Variants in TMEM255A observed in about 807,000 individuals in gnomAD.
TMEM255A encodes transmembrane protein 255A, also known as family with sequence similarity 70, member A.
A neutral mutation model predicts 23.5 loss-of-function variants in TMEM255A; 14 were observed. The ratio of observed to expected loss-of-function variants is 0.60; its 90% CI spans 0.39 to 0.93. The LOEUF is 0.93. Among genes scored for constraint, TMEM255A ranks in the 40% least tolerant of loss-of-function variants. TMEM255A has a pLI of 0.00. For synonymous variants in TMEM255A, 104 were observed against 100.3 expected (o/e 1.04, Z -0.22); for missense variants, 233 against 261.7 (o/e 0.89, Z 0.76).
intron 2 of TMEM255A, among the ~76,000 whole-genome samples, chrX:120,296,624 AAT>A (rs782299599): frequency 4.2e-5 from 3 of 71,917 alleles, no homozygotes; most frequent in Admixed American, 2.2e-4. Context: ...CCAGGAATAT[AAT>A]ATATATATAT....
intron 2 of TMEM255A, among the ~76,000 whole-genome samples, chrX:120,297,614 A>G (rs781889409): frequency 2.7e-5 from 3 of 111,253 alleles, no homozygotes; most frequent in Admixed American, 9.7e-5. Flanking sequence ...TGGAATTCAT[A>G]TCATTCCCAT....
chrX:120,264,840 T>C (rs2057704485), intron 8 of TMEM255A, among the ~76,000 whole-genome samples: 1 of 109,125 alleles, frequency 9.2e-6, no homozygotes, highest in Non-Finnish European at 1.9e-5. Flanking sequence ...TTTATTTATC[T>C]GGGAATATAA....
At chrX:120,279,408 G>A (rs1556020378) in intron 6 of TMEM255A, among the ~76,000 whole-genome samples, 3 of 112,335 alleles carry the variant, frequency 2.7e-5, no homozygotes, top group African/African-American at 9.7e-5. Context: ...TAGGCCCTGG[G>A]GACAGGGCAG....
At chrX:120,262,040 A>G (rs1344140623) in intron 8 of TMEM255A, among the ~76,000 whole-genome samples, 2 of 112,148 alleles carry the variant, frequency 1.8e-5, no homozygotes, top group African/African-American at 6.5e-5. Flanking sequence ...CTGTAATCCC[A>G]GCACTGTAGG....
Position 120,260,099 on chromosome X carries a change from A to G in TMEM255A, c.*771T>C. On this transcript the variant is annotated 3_prime_UTR_variant, in exon 9 of 9. Transcript: ENST00000371369. ...GATTTATATCTCCTGTAGCAAATGTATTTTGTAATAATGCAACATGTAGTA... is the reference window on the plus strand; with the variant it reads ...GATTTATATCTCCTGTAGCAAATGTGTTTTGTAATAATGCAACATGTAGTA... The G allele has an allele frequency of 1.4e-6, 1 of 736,880 alleles. No individual in the cohort carries two copies. Among genetic ancestry groups the G allele is most frequent in the Non-Finnish European group, 1.6e-6 (1 of 623,131 alleles). The allele number at this position is 736,880 out of a possible 1,213,427, so 60.7% of individuals were successfully genotyped here.
Position 120,304,509 on chromosome X carries a change from A to G in TMEM255A, c.59-18T>C, listed in dbSNP as rs1235509728. 1 of 1,205,294 alleles carries G rather than the reference A, an allele frequency of 8.3e-7. No homozygotes were observed. The highest frequency in any genetic ancestry group is 3.0e-5 in the East Asian group (1 of 33,667). ...GAATGCTCCTGAAAGCACAGAGAGA[A>G]ATTAAAATTGCTCATTTCAGCTGGG... On this transcript the variant is annotated intron_variant, in intron 1 of 8. Transcript: ENST00000371369.
At chrX:120,253,697 A>G, downstream of TMEM255A, 1 of 1,211,863 alleles carries the variant, frequency 8.3e-7, no homozygotes, top group South Asian at 1.8e-5. Context: ...TTCGTGTTAG[A>G]TCAGATTTGC....
Position 120,311,362 on chromosome X carries a change from G to A in TMEM255A, c.-53C>T. The A allele has an allele frequency of 9.6e-7, 1 of 1,044,645 alleles. No individual in the cohort carries two copies. The highest frequency in any genetic ancestry group is 2.6e-5 in the Admixed American group (1 of 38,709). The allele number at this position is 1,044,645 out of a possible 1,213,427, so 86.1% of individuals were successfully genotyped here. ...CCCGAAGCTGCTTCAAGCGCCCCCGGCTCTGGGCGCCCCGCAGAGCATCCT... is the reference window on the plus strand; with the variant it reads ...CCCGAAGCTGCTTCAAGCGCCCCCGACTCTGGGCGCCCCGCAGAGCATCCT... On this transcript the variant is annotated 5_prime_UTR_variant, in exon 1 of 9. Transcript: ENST00000371369.
intron 1 of TMEM255A, among the ~76,000 whole-genome samples, chrX:120,304,895 C>T (rs1326205034): frequency 9.0e-6 from 1 of 111,150 alleles, no homozygotes; most frequent in East Asian, 2.8e-4. Context: ...CATTTTAAAG[C>T]CAATATCCAA....
chrX:120,297,064 TTA>T (rs1449067366), intron 2 of TMEM255A, among the ~76,000 whole-genome samples: 7 of 6,917 alleles, frequency 1.0e-3, no homozygotes, highest in African/African-American at 1.7e-3. Flanking sequence ...ATATATAATA[TTA>T]TATATATTAT....
intron 4 of TMEM255A, among the ~76,000 whole-genome samples, chrX:120,290,010 G>A (rs1399071190): frequency 3.6e-5 from 4 of 111,547 alleles, no homozygotes; most frequent in African/African-American, 1.3e-4. Context: ...GGTTGCTTGG[G>A]TCTGGGGAGA....
intron 3 of TMEM255A, among the ~76,000 whole-genome samples, chrX:120,292,596 T>C (rs2057923635): frequency 9.1e-6 from 1 of 110,369 alleles, no homozygotes; most frequent in Admixed American, 9.6e-5. Flanking sequence ...TCATCTCTAC[T>C]AAAAATACAA....
downstream of TMEM255A, chrX:120,255,169 GT>G: frequency 8.3e-7 from 1 of 1,211,515 alleles, no homozygotes; most frequent in Non-Finnish European, 1.1e-6. Flanking sequence ...AAGCTTTATC[GT>G]TTACATCCAT....
intron 3 of TMEM255A, among the ~76,000 whole-genome samples, chrX:120,293,402 T>G (rs1412682446): frequency 8.8e-6 from 1 of 113,384 alleles, no homozygotes; most frequent in Non-Finnish European, 1.9e-5. Flanking sequence ...ATGCTTGTCC[T>G]TCCTTTCAAT....
At chrX:120,296,868 T>TATAATATTA (rs1376684600) in intron 2 of TMEM255A, among the ~76,000 whole-genome samples, 1 of 2,454 alleles carries the variant, frequency 4.1e-4, no homozygotes, top group Non-Finnish European at 5.6e-4. Context: ...ATATAATATA[T>TATAATATTA]TATATATCAT....
chrX:120,295,704 C>T (rs1296057227), intron 2 of TMEM255A, among the ~76,000 whole-genome samples: 1 of 112,016 alleles, frequency 8.9e-6, no homozygotes, highest in African/African-American at 3.2e-5. Flanking sequence ...TAACCTTGAA[C>T]AAACTGGTTA....
chrX:120,269,426 C>G (rs1003432212), intron 7 of TMEM255A, among the ~76,000 whole-genome samples: 3 of 112,205 alleles, frequency 2.7e-5, no homozygotes, highest in African/African-American at 9.7e-5. Context: ...ATCAATGTGT[C>G]TTCCTTTTGG....
At chrX:120,306,691 T>C (rs1046984142) in intron 1 of TMEM255A, among the ~76,000 whole-genome samples, 4 of 112,191 alleles carry the variant, frequency 3.6e-5, no homozygotes, top group Non-Finnish European at 5.6e-5. Flanking sequence ...ATGGTCTTTT[T>C]AATTTTGGTT....
intron 7 of TMEM255A, among the ~76,000 whole-genome samples, chrX:120,273,815 C>T (rs1315858445): frequency 8.9e-6 from 1 of 111,793 alleles, no homozygotes; most frequent in South Asian, 3.8e-4. Context: ...CAGGTAGGAA[C>T]GTAAAATGAC....
Sources: gnomAD v4.1 joint callset for allele counts (sites outside exome capture counted in the v4.1 genomes callset) on GRCh38, gnomAD v4.1.1 for gene constraint, MANE v1.5 for transcripts, NCBI Gene and HGNC (gene_info 2026-07-23, HGNC 2026-07-21) for gene names.